Variants in SDK1 observed in about 807,000 individuals in gnomAD.
SDK1 encodes protein sidekick-1.
SDK1 carries 157 observed loss-of-function variants against 245.5 expected under a neutral mutation model. The observed-to-expected ratio is 0.64, with a 90% CI of 0.56 to 0.73. The LOEUF (loss-of-function observed/expected upper bound fraction) is 0.73, where lower values mean the gene tolerates loss of function less well. Among genes scored for constraint, SDK1 ranks in the 30% least tolerant of loss-of-function variants. The pLI, the probability that SDK1 is intolerant of heterozygous loss-of-function variation, is 0.00. For missense variants in SDK1, 3,583 were observed against 3,002.3 expected, an observed-to-expected ratio of 1.19 and a Z score of -4.52; for synonymous variants, 1,647 against 1,278.5, an observed-to-expected ratio of 1.29 and a Z score of -6.15.
Position 3,855,399 on chromosome 7 carries a change from G to A in SDK1, c.847+33816G>A, listed in dbSNP as rs1780520508. Reference sequence around the variant, plus strand: ...GTACATTTACTATTTTAGGAGAGGTGCAAGAACATATTGCATCCATTAGAA... The same window carrying A: ...GTACATTTACTATTTTAGGAGAGGTACAAGAACATATTGCATCCATTAGAA... On this transcript the variant is annotated intron_variant, in intron 5 of 44. Coordinates refer to ENST00000404826, the MANE Select transcript of SDK1 (RefSeq NM_152744.4). Among the ~76,000 whole-genome samples, 4 of 152,210 alleles carry A rather than the reference G, an allele frequency of 2.6e-5. No homozygotes were observed. The South Asian group carries it at 8.3e-4, about 32-fold the overall frequency.
intron 1 of SDK1, among the ~76,000 whole-genome samples, chr7:3,447,942 G>T (rs758724875): frequency 1.3e-5 from 2 of 151,986 alleles, no homozygotes; most frequent in Non-Finnish European, 2.9e-5. Flanking sequence ...GAGCTCAGGT[G>T]ATCCACCCAC....
At chr7:4,017,474 A>C (rs1786505614) in intron 17 of SDK1, 122 bp downstream of exon 17, 2 of 758,142 alleles carry the variant, frequency 2.6e-6, no homozygotes. Context: ...GAGCGTTTAC[A>C]AGAAAATTCA....
intron 1 of SDK1, among the ~76,000 whole-genome samples, chr7:3,326,179 G>A (rs900397654): frequency 6.6e-6 from 1 of 152,122 alleles, no homozygotes; most frequent in South Asian, 2.1e-4. Flanking sequence ...TGTAGAGAAA[G>A]TAGAAATCAA....
chr7:3,974,183 C>CAAAAAAAA (rs10630472), intron 12 of SDK1, among the ~76,000 whole-genome samples, 186 bp from the exon 13 acceptor site: 1 of 104,406 alleles, frequency 9.6e-6, no homozygotes, highest in African/African-American at 3.5e-5. Flanking sequence ...GACTCTGTCT[C>CAAAAAAAA]AAAAAAAAAA....
chr7:4,251,271 G>A (rs1302299806), intron 44 of SDK1, among the ~76,000 whole-genome samples: 1 of 152,210 alleles, frequency 6.6e-6, no homozygotes, highest in African/African-American at 2.4e-5. Flanking sequence ...AGGACTCACA[G>A]AATTCAGCAC....
intron 20 of SDK1, among the ~76,000 whole-genome samples, chr7:4,073,115 C>G (rs1780365235): frequency 6.6e-6 from 1 of 152,198 alleles, no homozygotes; most frequent in East Asian, 1.9e-4. Context: ...CCATTGGGAG[C>G]AGGTAGGATG....
chr7:4,152,348 GC>G (rs1181704683), intron 30 of SDK1, among the ~76,000 whole-genome samples: 2 of 152,218 alleles, frequency 1.3e-5, no homozygotes, highest in African/African-American at 2.4e-5. Flanking sequence ...TCCTGGCACA[GC>G]CCCGAGGGTC....
At chr7:3,643,418 C>T (rs748736956) in intron 4 of SDK1, 1 of 145,870 alleles carries the variant, frequency 6.9e-6, no homozygotes, top group African/African-American at 2.5e-5. Flanking sequence ...GCTGTTGATT[C>T]TCGTCTCCTA....
intron 37 of SDK1, among the ~76,000 whole-genome samples, 200 bp from the exon 38 acceptor site, chr7:4,209,822 TCTC>T (rs1479413542): frequency 2.0e-5 from 3 of 152,208 alleles, no homozygotes; most frequent in African/African-American, 7.2e-5. Context: ...TCTCCACTCT[TCTC>T]AGGAGGGTCT....
At chr7:3,529,024 G>C (rs932469670) in intron 1 of SDK1, among the ~76,000 whole-genome samples, 3 of 152,082 alleles carry the variant, frequency 2.0e-5, no homozygotes, top group African/African-American at 7.2e-5. Context: ...TTACATGCAG[G>C]GGATTGAACA....
intron 5 of SDK1, among the ~76,000 whole-genome samples, chr7:3,845,589 A>T (rs1483876058): frequency 5.3e-5 from 8 of 151,640 alleles, no homozygotes; most frequent in Non-Finnish European, 1.2e-4. Context: ...GCGAGACTGG[A>T]AACCAGGTAA....
chr7:4,078,913 A>G (rs1780875282), intron 21 of SDK1, among the ~76,000 whole-genome samples: 1 of 152,170 alleles, frequency 6.6e-6, no homozygotes, highest in Admixed American at 6.5e-5. Context: ...CTTGGAAACG[A>G]AATCCAAGAA....
chr7:3,828,255 G>A (rs1047291164), intron 5 of SDK1, among the ~76,000 whole-genome samples: 1 of 151,916 alleles, frequency 6.6e-6, no homozygotes, highest in Non-Finnish European at 1.5e-5. Context: ...TCCAACCAAG[G>A]CGACGGAGCA....
Position 4,223,488 on chromosome 7 carries a change from A to C in SDK1, c.5827+2124A>C, listed in dbSNP as rs556757442. Among the ~76,000 whole-genome samples the C allele has an allele frequency of 2.6e-5, 4 of 152,188 alleles. No homozygotes were observed. The South Asian group carries it at 8.3e-4, about 32-fold the overall frequency. ...ATCTGTTTCCTGTAACCTCTCCCCCACTTCTGGTGATTACAGGCCATCCTG... is the reference window on the plus strand; with the variant it reads ...ATCTGTTTCCTGTAACCTCTCCCCCCCTTCTGGTGATTACAGGCCATCCTG... On this transcript the variant is annotated intron_variant, in intron 40 of 44. Transcript: ENST00000404826.
intron 1 of SDK1, among the ~76,000 whole-genome samples, chr7:3,487,196 C>T (rs1292951786): frequency 6.6e-6 from 1 of 152,172 alleles, no homozygotes; most frequent in African/African-American, 2.4e-5. Flanking sequence ...CAGCATAAGC[C>T]TTATGACACT....
intron 4 of SDK1, among the ~76,000 whole-genome samples, chr7:3,797,759 G>T (rs1004893615): frequency 5.9e-5 from 9 of 152,102 alleles, no homozygotes; most frequent in African/African-American, 1.7e-4. Context: ...AATGGCTAGT[G>T]AATGGTTCCT....
At chr7:3,803,444 G>A (rs1017511329) in intron 4 of SDK1, among the ~76,000 whole-genome samples, 3 of 151,490 alleles carry the variant, frequency 2.0e-5, no homozygotes, top group African/African-American at 7.3e-5. Flanking sequence ...CTGAGTAGCT[G>A]GAACTACAAG....
At chr7:3,357,003 C>T (rs538790776) in intron 1 of SDK1, among the ~76,000 whole-genome samples, 6 of 139,564 alleles carry the variant, frequency 4.3e-5, no homozygotes, top group East Asian at 2.1e-4. Flanking sequence ...TGCAGTGAGC[C>T]GAGATAGTGC....
intron 4 of SDK1, among the ~76,000 whole-genome samples, chr7:3,655,325 C>T (rs1217240364): frequency 2.7e-5 from 4 of 149,928 alleles, no homozygotes; most frequent in Non-Finnish European, 3.0e-5. Context: ...CCCAGCTACT[C>T]GGGAGGCTGA....
Sources: allele counts gnomAD v4.1 joint callset (sites outside exome capture counted in the v4.1 genomes callset), GRCh38; gene constraint gnomAD v4.1.1; transcripts MANE v1.5; gene names NCBI Gene and HGNC (gene_info 2026-07-23, HGNC 2026-07-21).